The following RBFOX1 variants were observed in gnomAD, a reference collection of about 807,000 sequenced individuals.
The protein encoded by RBFOX1 is RNA binding fox-1 homolog 1.
In RBFOX1, 8 loss-of-function variants were observed where a neutral mutation model predicts 57.7. The ratio of observed to expected loss-of-function variants is 0.14; its 90% CI spans 0.08 to 0.25. RBFOX1 has a LOEUF of 0.25. RBFOX1 is among the 10% of genes least tolerant of loss of function. The pLI, the probability that RBFOX1 is intolerant of heterozygous loss-of-function variation, is 1.00. For synonymous variants in RBFOX1, 326 were observed against 222.4 expected (o/e 1.47, Z -4.15); for missense variants, 611 against 548.5 (o/e 1.11, Z -1.14).
intron 3 of RBFOX1, among the ~76,000 whole-genome samples, chr16:7,041,622 G>A (rs1339347189): frequency 6.6e-6 from 1 of 152,100 alleles, no homozygotes; most frequent in Non-Finnish European, 1.5e-5. Flanking sequence ...CCTCGAAACA[G>A]TCAGTACCAA....
chr16:5,394,111 C>T (rs2066484860), intron 1 of RBFOX1, among the ~76,000 whole-genome samples: 1 of 152,072 alleles, frequency 6.6e-6, no homozygotes, highest in African/African-American at 2.4e-5. Context: ...GCAGCCTCCA[C>T]CTCCTGGGTT....
intron 3 of RBFOX1, among the ~76,000 whole-genome samples, chr16:6,931,295 G>GTA: frequency 7.3e-6 from 1 of 136,234 alleles, no homozygotes; most frequent in East Asian, 2.2e-4. Flanking sequence ...CTGTCTGTCT[G>GTA]TCTATCTATC....
intron 2 of RBFOX1, among the ~76,000 whole-genome samples, chr16:6,542,906 G>T (rs567842288): frequency 1.3e-5 from 2 of 152,048 alleles, no homozygotes; most frequent in South Asian, 4.2e-4. Flanking sequence ...ACATTAGTGG[G>T]GACCACACCG....
In RBFOX1 at chr16:7,712,865, A is replaced by T. The variant is rs556778760; in HGVS notation, c.*2120A>T. 1 of 152,350 alleles carries T rather than the reference A, an allele frequency of 6.6e-6. No individual in the cohort carries two copies. Among genetic ancestry groups the T allele is most frequent in the South Asian group, 2.1e-4 (1 of 4,830 alleles). The allele number at this position is 152,350 out of a possible 1,614,324, so 9.4% of individuals were successfully genotyped here. On this transcript the variant is annotated 3_prime_UTR_variant, in exon 16 of 16. Transcript: ENST00000550418. Reference sequence around the variant, plus strand: ...AATCCAGAATTTGTATTGTGTTTCGAATCACAAACATAGAATTCTTACTGT... The same window carrying T: ...AATCCAGAATTTGTATTGTGTTTCGTATCACAAACATAGAATTCTTACTGT...
intron 2 of RBFOX1, among the ~76,000 whole-genome samples, chr16:6,445,075 G>A (rs2094457868): frequency 6.6e-6 from 1 of 151,986 alleles, no homozygotes; most frequent in East Asian, 1.9e-4. Flanking sequence ...TGTGTGGGAG[G>A]CATTCATGGC....
chr16:7,239,999 CTCTGTCGCCCAGG>C (rs1305409013), intron 4 of RBFOX1, among the ~76,000 whole-genome samples: 2 of 152,150 alleles, frequency 1.3e-5, no homozygotes, highest in Non-Finnish European at 2.9e-5. Context: ...CTGAGCCTAG[CTCTGTCGCCCAGG>C]CTGGAGTGCA....
At chr16:6,187,706 C>A (rs191981496) in intron 1 of RBFOX1, among the ~76,000 whole-genome samples, 4 of 152,170 alleles carry the variant, frequency 2.6e-5, no homozygotes, top group Non-Finnish European at 4.4e-5. Flanking sequence ...GAAAAATGCA[C>A]CTTACTTGGT....
At chr16:6,150,189 C>G (rs551889562) in intron 1 of RBFOX1, among the ~76,000 whole-genome samples, 1 of 152,110 alleles carries the variant, frequency 6.6e-6, no homozygotes, top group Non-Finnish European at 1.5e-5. Context: ...GGAAGCATAT[C>G]GTGAGACCAG....
intron 1 of RBFOX1, among the ~76,000 whole-genome samples, chr16:5,422,576 GGA>G (rs2067373525): frequency 9.2e-6 from 1 of 108,154 alleles, no homozygotes; most frequent in African/African-American, 3.7e-5. Flanking sequence ...AGGAGGAGGG[GGA>G]GAGGGAGGAA....
intron 3 of RBFOX1, among the ~76,000 whole-genome samples, chr16:5,627,403 C>T (rs1371676525): frequency 6.9e-6 from 1 of 145,638 alleles, no homozygotes. Context: ...TGCCTTTTAA[C>T]CATAGTGATC....
intron 5 of RBFOX1, among the ~76,000 whole-genome samples, chr16:7,551,717 A>G (rs917782321): frequency 1.1e-4 from 16 of 152,220 alleles, no homozygotes; most frequent in African/African-American, 3.9e-4. Flanking sequence ...CCAAGGGCCA[A>G]TTATGAGCAT....
chr16:6,900,711 C>G (rs2068255939), intron 3 of RBFOX1, among the ~76,000 whole-genome samples: 2 of 152,202 alleles, frequency 1.3e-5, no homozygotes, highest in South Asian at 2.1e-4. Context: ...GTATTGCTTT[C>G]TCCATGATGC....
intron 7 of RBFOX1, among the ~76,000 whole-genome samples, chr16:7,588,255 T>A (rs1454513798): frequency 3.3e-5 from 5 of 152,170 alleles, no homozygotes; most frequent in Admixed American, 6.5e-5. Flanking sequence ...CTCCTCTCTA[T>A]CAGTGGCTAA....
chr16:7,291,480 T>TA (rs1328309688), intron 4 of RBFOX1, among the ~76,000 whole-genome samples: 2 of 152,150 alleles, frequency 1.3e-5, no homozygotes, highest in African/African-American at 4.8e-5. Context: ...ATGGAAGAGT[T>TA]AAAAATGATA....
chr16:7,413,081 A>T (rs975596945), intron 4 of RBFOX1, among the ~76,000 whole-genome samples: 3 of 152,006 alleles, frequency 2.0e-5, no homozygotes, highest in African/African-American at 7.2e-5. Context: ...AATAAAATAA[A>T]AAATAAAAAA....
At chr16:6,656,478 T>C (rs569863507) in intron 3 of RBFOX1, among the ~76,000 whole-genome samples, 1 of 152,064 alleles carries the variant, frequency 6.6e-6, no homozygotes, top group African/African-American at 2.4e-5. Flanking sequence ...GGTTAAGACA[T>C]CATGATGATG....
intron 2 of RBFOX1, among the ~76,000 whole-genome samples, chr16:5,474,528 C>T (rs1443725473): frequency 3.3e-5 from 5 of 152,106 alleles, no homozygotes; most frequent in Non-Finnish European, 7.3e-5. Context: ...GTGGTGGGCA[C>T]CTGTAATCCC....
intron 3 of RBFOX1, among the ~76,000 whole-genome samples, chr16:6,765,380 T>C (rs2077187610): frequency 6.6e-6 from 1 of 152,212 alleles, no homozygotes; most frequent in Non-Finnish European, 1.5e-5. Context: ...CGTGTGTAAC[T>C]TATCTCTTAT....
At position 5,511,103 on chromosome 16, in the gene RBFOX1, G is replaced by C. The variant is rs973618566; in HGVS notation, c.258+43849G>C. Among the ~76,000 whole-genome samples the C allele has an allele frequency of 2.0e-5, 3 of 152,194 alleles. No homozygotes were observed. The East Asian group carries it at 5.8e-4, about 29-fold the overall frequency. ...AAAAACAGTGTGGTTTGTTTTGCCA[G>C]ATTGTCTTCAAAGGAATTAGAAAGT... is the stretch of plus-strand genomic sequence containing the variant. On this transcript the variant is annotated intron_variant, in intron 2 of 2. Transcript: ENST00000585867.
Sources: allele counts gnomAD v4.1 joint callset (sites outside exome capture counted in the v4.1 genomes callset), GRCh38; gene constraint gnomAD v4.1.1; transcripts MANE v1.5; gene names NCBI Gene and HGNC (gene_info 2026-07-23, HGNC 2026-07-21).